Variants in NR2F1-AS1 observed in about 807,000 individuals in gnomAD.
The protein encoded by NR2F1-AS1 is NR2F1 regulatory antisense RNA 1.
intron 4 of NR2F1-AS1, among the ~76,000 whole-genome samples, chr5:93,552,038 A>T (rs1752242486): frequency 6.6e-6 from 1 of 152,150 alleles, no homozygotes; most frequent in African/African-American, 2.4e-5. Flanking sequence ...TAGCTTATTC[A>T]TTCATTCATT....
intron 4 of NR2F1-AS1, among the ~76,000 whole-genome samples, chr5:93,466,100 T>C (rs1187868332): frequency 1.3e-5 from 2 of 151,906 alleles, no homozygotes; most frequent in African/African-American, 4.8e-5. Flanking sequence ...TGTTACTAGC[T>C]AGAGGAAGCT....
At chr5:93,470,925 A>G (rs1750352239) in intron 4 of NR2F1-AS1, among the ~76,000 whole-genome samples, 1 of 151,896 alleles carries the variant, frequency 6.6e-6, no homozygotes, top group African/African-American at 2.4e-5. Flanking sequence ...TGCCATAGAA[A>G]TTAGCCCTGA....
In NR2F1-AS1 at chr5:93,579,732, C is replaced by T. The variant is rs972376448; in HGVS notation, n.313+735G>A. 1.3e-5 allele frequency among the ~76,000 whole-genome samples: 2 copies of T among 152,010 alleles called. No individual in the cohort carries two copies. Among genetic ancestry groups the T allele is most frequent in the South Asian group, 2.1e-4 (1 of 4,806 alleles). On this transcript the variant is annotated intron_variant and non_coding_transcript_variant, in intron 1 of 5. Transcript: ENST00000660523. The surrounding 1 kb of genome is among the most constrained non-coding windows in gnomAD (Gnocchi z 5.1). ...TGAGCCTCTTCCTTTCAACACACCC[C>T]CTCTGTCCCCACCCCTGGGAGGCGA... is the stretch of plus-strand genomic sequence containing the variant.
chr5:93,490,609 AGTGGTGGTGGTG>A (rs977486796), intron 4 of NR2F1-AS1, among the ~76,000 whole-genome samples: 6 of 104,580 alleles, frequency 5.7e-5, no homozygotes, highest in Non-Finnish European at 4.1e-5. Context: ...TGGCGGTGGC[AGTGGTGGTGGTG>A]GTGGTGGTGG....
intron 4 of NR2F1-AS1, among the ~76,000 whole-genome samples, chr5:93,476,338 TG>T (rs1426349647): frequency 2.6e-5 from 4 of 152,182 alleles, no homozygotes; most frequent in Non-Finnish European, 5.9e-5. Context: ...ATCATTTTAA[TG>T]TTATCCATAT....
At chr5:93,533,874 G>A (rs536687176) in intron 4 of NR2F1-AS1, among the ~76,000 whole-genome samples, 2 of 152,160 alleles carry the variant, frequency 1.3e-5, no homozygotes, top group Non-Finnish European at 2.9e-5. Flanking sequence ...GCTCACACCT[G>A]TAGTCCTAGC....
At chr5:93,523,957 G>C (rs531381600) in intron 4 of NR2F1-AS1, among the ~76,000 whole-genome samples, 3 of 152,080 alleles carry the variant, frequency 2.0e-5, no homozygotes, top group African/African-American at 7.2e-5. Context: ...TCCTCCAAAG[G>C]ATCACAACTC....
At chr5:93,459,354 G>C (rs2149862277) in intron 4 of NR2F1-AS1, among the ~76,000 whole-genome samples, 1 of 152,124 alleles carries the variant, frequency 6.6e-6, no homozygotes, top group African/African-American at 2.4e-5. Flanking sequence ...TTAGAAAAAT[G>C]CCAATTAAAA....
intron 4 of NR2F1-AS1, among the ~76,000 whole-genome samples, chr5:93,414,110 T>A (rs973850843): frequency 2.6e-5 from 4 of 152,318 alleles, no homozygotes; most frequent in African/African-American, 9.6e-5. Flanking sequence ...TATTTACATA[T>A]AACATATACA....
chr5:93,556,290 C>A (rs1435097992), intron 2 of NR2F1-AS1, among the ~76,000 whole-genome samples: 2 of 152,172 alleles, frequency 1.3e-5, no homozygotes, highest in African/African-American at 4.8e-5. Flanking sequence ...GTTCTTCCTA[C>A]AGTTTTTATA....
At chr5:93,430,298 C>T (rs1226869803) in intron 4 of NR2F1-AS1, among the ~76,000 whole-genome samples, 1 of 152,188 alleles carries the variant, frequency 6.6e-6, no homozygotes, top group Non-Finnish European at 1.5e-5. Flanking sequence ...CTTGTAAAAA[C>T]TTTTGTCACC....
At chr5:93,455,631 G>T (rs1052849637) in intron 4 of NR2F1-AS1, among the ~76,000 whole-genome samples, 1 of 152,038 alleles carries the variant, frequency 6.6e-6, no homozygotes, top group Non-Finnish European at 1.5e-5. Context: ...ATATAAATAC[G>T]AATTAGAAGA....
At chr5:93,548,986 G>A (rs1001452630) in intron 4 of NR2F1-AS1, among the ~76,000 whole-genome samples, 1 of 152,018 alleles carries the variant, frequency 6.6e-6, no homozygotes, top group Non-Finnish European at 1.5e-5. Context: ...CATATTTGGA[G>A]GATTAATAGT....
At chr5:93,484,526 T>C (rs567014265) in intron 4 of NR2F1-AS1, among the ~76,000 whole-genome samples, 29 of 152,066 alleles carry the variant, frequency 1.9e-4, no homozygotes, top group Admixed American at 3.9e-4. Context: ...ATTGACACTA[T>C]GAAGAAACTG....
At chr5:93,505,388 C>T (rs1024438080) in intron 4 of NR2F1-AS1, among the ~76,000 whole-genome samples, 4 of 152,182 alleles carry the variant, frequency 2.6e-5, no homozygotes, top group African/African-American at 7.2e-5. Context: ...GTCTGGAAGA[C>T]GGTGCCCCTC....
chr5:93,572,299 A>G (rs577345578), intron 1 of NR2F1-AS1, among the ~76,000 whole-genome samples: 1 of 152,188 alleles, frequency 6.6e-6, no homozygotes, highest in East Asian at 1.9e-4. Context: ...CGGCCACTTG[A>G]TGATGTCGCT....
intron 4 of NR2F1-AS1, among the ~76,000 whole-genome samples, chr5:93,460,145 G>A (rs997905732): frequency 6.6e-6 from 1 of 152,004 alleles, no homozygotes; most frequent in African/African-American, 2.4e-5. Context: ...AAAACGCCCT[G>A]GAATGAGGAT....
At chr5:93,495,431 A>G (rs1322814799) in intron 4 of NR2F1-AS1, among the ~76,000 whole-genome samples, 1 of 152,164 alleles carries the variant, frequency 6.6e-6, no homozygotes, top group Non-Finnish European at 1.5e-5. Context: ...CCAAGCACAA[A>G]GGGAAAATGC....
chr5:93,489,638 G>A (rs918376532), intron 4 of NR2F1-AS1, among the ~76,000 whole-genome samples: 1 of 152,030 alleles, frequency 6.6e-6, no homozygotes, highest in African/African-American at 2.4e-5. Flanking sequence ...ATAGAAGTGA[G>A]ACAGCCTAAT....
Sources: gnomAD v4.1 joint callset for allele counts (sites outside exome capture counted in the v4.1 genomes callset) on GRCh38, gnomAD v4.1.1 for gene constraint, Gnocchi (gnomAD v3.1) non-coding constraint, MANE v1.5 for transcripts, NCBI Gene and HGNC (gene_info 2026-07-23, HGNC 2026-07-21) for gene names.